ZBED6: variants seen among roughly 807,000 people sequenced by gnomAD.
ZBED6 encodes the protein zinc finger BED domain-containing protein 6.
ZBED6 carries 40 observed loss-of-function variants against 58.4 expected under a neutral mutation model. That is an observed-to-expected ratio of 0.68 (90% CI 0.53 to 0.89). The LOEUF (loss-of-function observed/expected upper bound fraction) is 0.89. ZBED6 is among the 40% of genes least tolerant of loss of function. The pLI, the probability that ZBED6 is intolerant of heterozygous loss-of-function variation, is 0.00. For missense variants in ZBED6, 1,057 were observed against 1,003.9 expected (o/e 1.05, Z -0.71); for synonymous variants, 439 against 350.6 (o/e 1.25, Z -2.82).
At chr1:203,813,100 C>A (rs1433436830) in intron 1 of ZBED6, among the ~76,000 whole-genome samples, 2 of 152,088 alleles carry the variant, frequency 1.3e-5, no homozygotes, top group Non-Finnish European at 2.9e-5. Context: ...CAAATATTTT[C>A]TCCCAGCCTG....
chr1:203,851,985 A>G (rs1689421103), intron 16 of ZBED6, among the ~76,000 whole-genome samples, 156 bp from the exon 17 acceptor site: 1 of 151,244 alleles, frequency 6.6e-6, no homozygotes, highest in African/African-American at 2.4e-5. Context: ...AAAAAAAAAA[A>G]AAAAAAAAAA....
intron 1 of ZBED6, among the ~76,000 whole-genome samples, chr1:203,815,389 T>C (rs1159624857): frequency 6.8e-6 from 1 of 146,672 alleles, no homozygotes; most frequent in East Asian, 2.0e-4. Context: ...CTTTTTTTTT[T>C]TTTTTTTTTT....
chr1:203,818,611 A>G (rs1332497523), exon 3 of ZBED6: 35 of 1,614,046 alleles, frequency 2.2e-5, no homozygotes, highest in Non-Finnish European at 2.7e-5. Flanking sequence ...CTGCAATAGG[A>G]AATGAAACTG....
At chr1:203,805,502 T>C (rs1365992536) in intron 1 of ZBED6, 2 of 450,480 alleles carry the variant, frequency 4.4e-6, no homozygotes, top group Non-Finnish European at 8.8e-6. Context: ...AGAAGAGCAA[T>C]GTAATTAAAC....
intron 9 of ZBED6, among the ~76,000 whole-genome samples, 160 bp from the exon 10 acceptor site, chr1:203,837,804 TTA>T (rs540091145): frequency 6.1e-4 from 93 of 152,314 alleles, no homozygotes; most frequent in Middle Eastern, 3.4e-3. Flanking sequence ...TCCGACATTT[TTA>T]TGTTTCTAAC....
rs1014561181 is a variant in ZBED6, at chr1:203,819,833, C to T, written c.*2873+1144C>T. Among the ~76,000 whole-genome samples, 6 of 150,940 alleles carry T rather than the reference C, an allele frequency of 4.0e-5. No homozygotes were observed. In the South Asian group the frequency reaches 8.4e-4, roughly 21 times the overall value. ...ACAGGCATGAGCCACCGCGCCCAGC[C>T]GACTCCAGCAATTTTTTTAAAAAGA... On this transcript the variant is annotated intron_variant, in intron 3 of 16. Coordinates refer to ENST00000550078, the Ensembl canonical transcript of ZBED6.
intron 1 of ZBED6, among the ~76,000 whole-genome samples, chr1:203,806,421 CCTGCTG>C (rs1014254506): frequency 3.9e-5 from 6 of 152,120 alleles, no homozygotes; most frequent in African/African-American, 1.4e-4. Context: ...CCTGCCTCAG[CCTGCTG>C]AGTAGCTGGG....
intron 8 of ZBED6, among the ~76,000 whole-genome samples, 173 bp from the exon 9 acceptor site, chr1:203,833,618 G>GTTTTTTTTTTTT (rs553171669): frequency 7.2e-5 from 9 of 124,816 alleles, no homozygotes; most frequent in South Asian, 2.6e-4. Flanking sequence ...ATAGGTTTGG[G>GTTTTTTTTTTTT]TTTTTTTTTT....
At chr1:203,841,311 A>G (rs1329305815) in intron 11 of ZBED6, among the ~76,000 whole-genome samples, 1 of 152,174 alleles carries the variant, frequency 6.6e-6, no homozygotes, top group Non-Finnish European at 1.5e-5. Flanking sequence ...GGCCTTCTGC[A>G]GTGTTTGTGT....
chr1:203,851,048 C>A lies in ZBED6; in HGVS notation c.*4806-9C>A. The stretch of plus-strand genomic sequence containing the variant: ...CTCTCACTGAATTACCTGACTCTTC[C>A]TTTTGTAGGCTGTTGTCCCGCTTGT... On this transcript the variant is annotated splice_polypyrimidine_tract_variant and intron_variant, in intron 15 of 16. Coordinates refer to ENST00000550078, the Ensembl canonical transcript of ZBED6. The A allele has an allele frequency of 6.2e-7, 1 of 1,613,818 alleles. No individual in the cohort carries two copies. The highest frequency in any genetic ancestry group is 1.1e-5 in the South Asian group (1 of 90,960).
intron 1 of ZBED6, among the ~76,000 whole-genome samples, chr1:203,812,725 G>A (rs776655519): frequency 1.3e-5 from 2 of 151,842 alleles, no homozygotes; most frequent in Non-Finnish European, 2.9e-5. Flanking sequence ...GGGATTACAG[G>A]TGTGTGCTAC....
chr1:203,812,321 T>C (rs986510378), intron 1 of ZBED6, among the ~76,000 whole-genome samples: 7 of 152,172 alleles, frequency 4.6e-5, no homozygotes, highest in African/African-American at 1.4e-4. Context: ...TTCCCCTCTA[T>C]GTGTCCAAGT....
At chr1:203,842,160 C>T (rs562298261) in intron 11 of ZBED6, among the ~76,000 whole-genome samples, 6 of 151,954 alleles carry the variant, frequency 3.9e-5, no homozygotes, top group South Asian at 2.1e-4. Context: ...AGACGATGGG[C>T]GGCCAGGCAG....
chr1:203,848,401 T>C (rs1212883902), exon 13 of ZBED6: 10 of 1,606,286 alleles, frequency 6.2e-6, no homozygotes, highest in Non-Finnish European at 8.5e-6. Context: ...GAACAGAAGC[T>C]AAAGAGGTAA....
intron 2 of ZBED6, 99 bp downstream of exon 2, chr1:203,817,223 AT>A: frequency 1.0e-6 from 1 of 972,942 alleles, no homozygotes; most frequent in Non-Finnish European, 1.4e-6. Flanking sequence ...TTATATATAT[AT>A]TTTTTGCCCA....
intron 3 of ZBED6, among the ~76,000 whole-genome samples, chr1:203,819,162 GTA>G (rs1243945304): frequency 1.4e-5 from 2 of 146,602 alleles, no homozygotes; most frequent in South Asian, 2.1e-4. Flanking sequence ...ACACACACGT[GTA>G]TATATGTGTG....
At chr1:203,825,497 C>G (rs1040675833) in intron 3 of ZBED6, among the ~76,000 whole-genome samples, 2 of 140,040 alleles carry the variant, frequency 1.4e-5, no homozygotes, top group African/African-American at 2.7e-5. Context: ...TGCAGTGGCT[C>G]CATCTTGGCT....
chr1:203,797,673 G>A (rs961823280), exon 1 of ZBED6: 1 of 1,535,990 alleles, frequency 6.5e-7, no homozygotes, highest in African/African-American at 1.4e-5. Context: ...GGTAGCAGAA[G>A]GAGTGAATAA....
At chr1:203,809,965 A>G (rs1346860550) in intron 1 of ZBED6, among the ~76,000 whole-genome samples, 1 of 152,044 alleles carries the variant, frequency 6.6e-6, no homozygotes, top group Non-Finnish European at 1.5e-5. Context: ...AAATAACAAA[A>G]CTAAACAAAA....
Sources: allele counts gnomAD v4.1 joint callset (sites outside exome capture counted in the v4.1 genomes callset), GRCh38; gene constraint gnomAD v4.1.1; transcripts MANE v1.5; gene names NCBI Gene and HGNC (gene_info 2026-07-23, HGNC 2026-07-21).